The following DTNA variants were observed in gnomAD, a reference collection of about 807,000 sequenced individuals.
DTNA encodes dystrobrevin alpha, also known as dystrophin-related protein 3.
A neutral mutation model predicts 100.7 loss-of-function variants in DTNA; 43 were observed. The observed-to-expected ratio is 0.43, with a 90% confidence interval of 0.33 to 0.55. The LOEUF is 0.55. Among genes scored for constraint, DTNA ranks in the 20% least tolerant of loss-of-function variants. DTNA has a pLI of 0.04. For synonymous variants in DTNA, 349 were observed against 347.9 expected (o/e 1.00, Z -0.04); for missense variants, 798 against 953.9 (o/e 0.84, Z 2.15).
At chr18:34,759,385 A>C (rs7242223) in intron 2 of DTNA, among the ~76,000 whole-genome samples, 5,444 of 152,272 alleles carry the variant, frequency 0.036, 334 homozygotes, top group African/African-American at 0.13. Context: ...CATGTCCACA[A>C]CACTCACTGC....
At chr18:34,869,255 A>G (rs2096739726) in intron 17 of DTNA, among the ~76,000 whole-genome samples, 1 of 152,224 alleles carries the variant, frequency 6.6e-6, no homozygotes, top group African/African-American at 2.4e-5. Context: ...ATAGGTATAC[A>G]TACACACAGG....
chr18:34,541,431 G>T (rs1003906058), intron 1 of DTNA, among the ~76,000 whole-genome samples: 10 of 152,030 alleles, frequency 6.6e-5, no homozygotes, highest in African/African-American at 2.4e-4. Context: ...TGAATCATGG[G>T]GGTGAGTTTT....
chr18:34,607,382 G>C (rs2053347642), intron 1 of DTNA, among the ~76,000 whole-genome samples: 1 of 152,146 alleles, frequency 6.6e-6, no homozygotes, highest in African/African-American at 2.4e-5. Context: ...GCAATAGTCT[G>C]CTCATAAAAT....
At chr18:34,638,973 C>T (rs1430859168) in intron 1 of DTNA, among the ~76,000 whole-genome samples, 2 of 152,160 alleles carry the variant, frequency 1.3e-5, no homozygotes, top group Non-Finnish European at 2.9e-5. Context: ...TCCCGAGTAG[C>T]TGGGATTACA....
At chr18:34,523,519 A>C (rs760209359) in intron 1 of DTNA, among the ~76,000 whole-genome samples, 67 of 152,224 alleles carry the variant, frequency 4.4e-4, no homozygotes, top group Non-Finnish European at 8.7e-4. Flanking sequence ...CATCTAAATT[A>C]TAAAAGAAAA....
At chr18:34,824,371 G>T (rs1193636777) in intron 9 of DTNA, among the ~76,000 whole-genome samples, 2 of 152,114 alleles carry the variant, frequency 1.3e-5, no homozygotes, top group African/African-American at 4.8e-5. Flanking sequence ...AGCTACTCGG[G>T]ATGCTGAGGC....
chr18:34,503,323 T>A (rs951995603), intron 1 of DTNA, among the ~76,000 whole-genome samples: 8 of 143,876 alleles, frequency 5.6e-5, no homozygotes, highest in African/African-American at 2.1e-4. Context: ...AGTCTCACTC[T>A]GTTGCCCAGG....
At chr18:34,765,908 A>T in intron 2 of DTNA, 53 bp from the exon 3 acceptor site, 1 of 1,566,422 alleles carries the variant, frequency 6.4e-7, no homozygotes, top group East Asian at 2.2e-5. Flanking sequence ...AAACATTGTA[A>T]ATTTCTTTCT....
chr18:34,868,661 A>G, intron 17 of DTNA: 1 of 985,388 alleles, frequency 1.0e-6, no homozygotes, highest in Non-Finnish European at 1.2e-6. Flanking sequence ...ATACTGGCAT[A>G]TATAATTTCT....
chr18:34,869,518 A>G (rs2096742321), intron 17 of DTNA, among the ~76,000 whole-genome samples: 1 of 152,230 alleles, frequency 6.6e-6, no homozygotes, highest in Non-Finnish European at 1.5e-5. Context: ...GTAACATTAG[A>G]TATGATCCTA....
At chr18:34,697,260 T>G (rs531368382) in intron 1 of DTNA, among the ~76,000 whole-genome samples, 1 of 152,338 alleles carries the variant, frequency 6.6e-6, no homozygotes, top group East Asian at 1.9e-4. Context: ...GAAGGTTAAC[T>G]TGCTCAAGGC....
chr18:34,869,969 T>C (rs645871), intron 17 of DTNA, among the ~76,000 whole-genome samples: 27,907 of 152,052 alleles, frequency 0.18, 3,361 homozygotes, highest in African/African-American at 0.35. Context: ...TGCAGTGAGC[T>C]GAGATCGTGC....
chr18:34,719,583 T>A (rs1367583519), intron 1 of DTNA, among the ~76,000 whole-genome samples: 3 of 152,160 alleles, frequency 2.0e-5, no homozygotes, highest in Admixed American at 6.5e-5. Context: ...TGTACAGAGA[T>A]GATACTTGTA....
intron 1 of DTNA, among the ~76,000 whole-genome samples, chr18:34,568,462 C>A (rs2047279367): frequency 6.6e-6 from 1 of 152,032 alleles, no homozygotes. Context: ...TTCCCATCTG[C>A]CACTCATCTT....
chr18:34,693,027 G>A (rs2080001743), intron 1 of DTNA, among the ~76,000 whole-genome samples: 3 of 151,944 alleles, frequency 2.0e-5, no homozygotes, highest in South Asian at 2.1e-4. Flanking sequence ...CTATTCAAGG[G>A]CCATGCATAA....
intron 7 of DTNA, 74 bp from the exon 8 acceptor site, chr18:34,818,090 G>A (rs1222966253): frequency 2.5e-6 from 4 of 1,611,624 alleles, no homozygotes; most frequent in African/African-American, 2.7e-5. Flanking sequence ...TGCAATTCCT[G>A]TAAGGCTGTA....
At chr18:34,634,799 A>G (rs1430184599) in intron 1 of DTNA, among the ~76,000 whole-genome samples, 3 of 152,186 alleles carry the variant, frequency 2.0e-5, no homozygotes, top group Non-Finnish European at 4.4e-5. Flanking sequence ...TAACATATGC[A>G]CTACCTCCTT....
chr18:34,518,799 A>G (rs1435883789), intron 1 of DTNA, among the ~76,000 whole-genome samples: 1 of 151,070 alleles, frequency 6.6e-6, no homozygotes, highest in Non-Finnish European at 1.5e-5. Context: ...CATTAATAGA[A>G]TGCAGCACCT....
At chr18:34,817,984 A>G (rs1602594777) in intron 7 of DTNA, 180 bp from the exon 8 acceptor site, 2 of 1,497,544 alleles carry the variant, frequency 1.3e-6, no homozygotes, top group South Asian at 1.3e-5. Context: ...CCCCACAGGC[A>G]TGATTGAAAA....
Sources: allele counts gnomAD v4.1 joint callset (sites outside exome capture counted in the v4.1 genomes callset), GRCh38; gene constraint gnomAD v4.1.1; transcripts MANE v1.5; gene names NCBI Gene and HGNC (gene_info 2026-07-23, HGNC 2026-07-21).